The following ACSM6 variants were observed in gnomAD, a reference collection of about 807,000 sequenced individuals.
The protein encoded by ACSM6 is acyl-coenzyme A synthetase ACSM6, mitochondrial.
In ACSM6, 35 loss-of-function variants were observed where a neutral mutation model predicts 51.1. The observed-to-expected ratio is 0.69, with a 90% CI of 0.52 to 0.91. The LOEUF (loss-of-function observed/expected upper bound fraction) is 0.91. Among genes scored for constraint, ACSM6 ranks in the 40% least tolerant of loss-of-function variants. The probability of loss-of-function intolerance (pLI) is 0.00; values close to 1 mark genes in which losing one functional copy is unlikely to be tolerated. For synonymous variants in ACSM6, 172 were observed against 207.3 expected (o/e 0.83, Z 1.46); for missense variants, 509 against 584.1 (o/e 0.87, Z 1.32).
chr10:95,207,112 T>A, intron 3 of ACSM6, 96 bp from the exon 4 acceptor site: 1 of 1,153,126 alleles, frequency 8.7e-7, no homozygotes, highest in Non-Finnish European at 1.3e-6. Context: ...AGAGAGAGGG[T>A]AACCCAGAGA....
exon 5 of ACSM6, chr10:95,210,765 T>C: frequency 6.2e-7 from 1 of 1,613,930 alleles, no homozygotes; most frequent in African/African-American, 1.3e-5. Context: ...CCAGTATGGT[T>C]TGGGAATGGG....
exon 8 of ACSM6, chr10:95,214,893 G>C: frequency 6.4e-7 from 1 of 1,551,570 alleles, no homozygotes; most frequent in Non-Finnish European, 8.7e-7. Flanking sequence ...GCTGCAGGAG[G>C]ACCCATCAGC....
intron 8 of ACSM6, among the ~76,000 whole-genome samples, chr10:95,218,633 G>C (rs1481884765): frequency 6.6e-6 from 1 of 152,076 alleles, no homozygotes; most frequent in Non-Finnish European, 1.5e-5. Flanking sequence ...CTCTACTTTG[G>C]AAAATTCTTG....
chr10:95,201,296 G>A, intron 2 of ACSM6: 1 of 364,712 alleles, frequency 2.7e-6, no homozygotes, highest in Non-Finnish European at 5.5e-6. Context: ...TACCAAATAG[G>A]TAATTTTGCA....
chr10:95,197,825 T>C (rs1472515112), intron 2 of ACSM6, among the ~76,000 whole-genome samples: 1 of 152,356 alleles, frequency 6.6e-6, no homozygotes, highest in East Asian at 1.9e-4. Flanking sequence ...CGAGGCCATA[T>C]TTCAGACTAT....
intron 8 of ACSM6, among the ~76,000 whole-genome samples, chr10:95,217,653 T>C (rs1383450331): frequency 6.6e-6 from 1 of 152,182 alleles, no homozygotes; most frequent in African/African-American, 2.4e-5. Flanking sequence ...AGTTCTGTCA[T>C]ACGTCCAAAA....
At chr10:95,224,576 T>A (rs997393591) in intron 9 of ACSM6, among the ~76,000 whole-genome samples, 12 of 152,198 alleles carry the variant, frequency 7.9e-5, no homozygotes, top group African/African-American at 2.9e-4. Flanking sequence ...AATTTTGTAT[T>A]TTTAGTAGAG....
chr10:95,223,817 G>C (rs578025264), intron 9 of ACSM6, among the ~76,000 whole-genome samples: 107 of 151,902 alleles, frequency 7.0e-4, no homozygotes, highest in Non-Finnish European at 9.9e-4. Context: ...AATCAGGCAA[G>C]AAAAAGAAAT....
intron 2 of ACSM6, among the ~76,000 whole-genome samples, chr10:95,200,203 T>C (rs1451122957): frequency 1.3e-5 from 2 of 151,896 alleles, no homozygotes; most frequent in African/African-American, 2.4e-5. Flanking sequence ...TGTAGGGACA[T>C]GGATGAAGCT....
chr10:95,216,213 C>T (rs531625060), intron 8 of ACSM6, among the ~76,000 whole-genome samples: 66 of 152,246 alleles, frequency 4.3e-4, no homozygotes, highest in African/African-American at 1.5e-3. Context: ...AGATGACAGA[C>T]ACAATTCACT....
exon 6 of ACSM6, chr10:95,211,917 T>A: frequency 6.2e-7 from 1 of 1,613,004 alleles, no homozygotes; most frequent in East Asian, 2.2e-5. Context: ...TCTTGTGGAG[T>A]CTGGGTGATG....
intron 4 of ACSM6, among the ~76,000 whole-genome samples, chr10:95,208,687 T>C (rs986396725): frequency 1.3e-3 from 196 of 152,034 alleles, no homozygotes; most frequent in Non-Finnish European, 4.1e-4. Flanking sequence ...AGTACATTGT[T>C]ATATTCTATT....
At chr10:95,208,933 T>TAAA (rs34370150) in intron 4 of ACSM6, among the ~76,000 whole-genome samples, 1,929 of 33,906 alleles carry the variant, frequency 0.057, 470 homozygotes, top group African/African-American at 0.073. Flanking sequence ...CAGGGATGTT[T>TAAA]AAAAAAAAAA....
At chr10:95,199,418 T>C (rs2034768707) in intron 2 of ACSM6, among the ~76,000 whole-genome samples, 1 of 152,164 alleles carries the variant, frequency 6.6e-6, no homozygotes, top group South Asian at 2.1e-4. Context: ...ACCTAGGCAA[T>C]TCCATTCAGG....
chr10:95,225,509 A>G (rs2035029306), intron 10 of ACSM6, 118 bp downstream of exon 10: 2 of 665,140 alleles, frequency 3.0e-6, no homozygotes, highest in Non-Finnish European at 2.4e-6. Flanking sequence ...AATTTTGCAA[A>G]TTTTTGAGTC....
At chr10:95,198,942 G>A (rs1188911780) in intron 2 of ACSM6, among the ~76,000 whole-genome samples, 1 of 152,122 alleles carries the variant, frequency 6.6e-6, no homozygotes, top group Admixed American at 6.5e-5. Flanking sequence ...GTAATTTATA[G>A]AATCAATACC....
exon 4 of ACSM6, chr10:95,207,300 G>A: frequency 1.2e-6 from 2 of 1,614,162 alleles, no homozygotes; most frequent in East Asian, 2.2e-5. Context: ...TGTGGCTAAT[G>A]AAGCTATGGC....
intron 3 of ACSM6, among the ~76,000 whole-genome samples, chr10:95,205,240 CA>C (rs2034829935): frequency 6.6e-6 from 1 of 152,058 alleles, no homozygotes; most frequent in Admixed American, 6.6e-5. Context: ...TAAACCACCA[CA>C]AAAGAAATTT....
At chr10:95,226,693 A>C (rs2035043559) in intron 10 of ACSM6, among the ~76,000 whole-genome samples, 1 of 152,212 alleles carries the variant, frequency 6.6e-6, no homozygotes, top group Non-Finnish European at 1.5e-5. Flanking sequence ...ATCTATAAAG[A>C]GAGGCTTTCT....
Sources: allele counts gnomAD v4.1 joint callset (sites outside exome capture counted in the v4.1 genomes callset), GRCh38; gene constraint gnomAD v4.1.1; transcripts MANE v1.5; gene names NCBI Gene and HGNC (gene_info 2026-07-23, HGNC 2026-07-21).